The following NATD1 variants were observed in gnomAD, a reference collection of about 807,000 sequenced individuals.
The protein encoded by NATD1 is protein NATD1.
In NATD1, 9 loss-of-function variants were observed where a neutral mutation model predicts 12.0. That is an observed-to-expected ratio of 0.75 (90% CI 0.45 to 1.30). The LOEUF is 1.30. Ranked by LOEUF, NATD1 falls within the 50% of genes most tolerant of loss-of-function variation. The pLI, the probability that NATD1 is intolerant of heterozygous loss-of-function variation, is 0.00. For missense variants in NATD1, 148 were observed against 148.5 expected (o/e 1.00, Z 0.02); for synonymous variants, 71 against 65.9 (o/e 1.08, Z -0.37).
At chr17:21,246,237 G>C (rs1186820729) in intron 1 of NATD1, among the ~76,000 whole-genome samples, 1 of 152,132 alleles carries the variant, frequency 6.6e-6, no homozygotes, top group Non-Finnish European at 1.5e-5. Flanking sequence ...ACAGGGGCCA[G>C]GCACGGTGAC....
rs1975313097 is a variant in NATD1, at chr17:21,244,982, T to C, written c.107-758A>G. On this transcript the variant is annotated intron_variant, in intron 1 of 2. Transcript: ENST00000611551. This position sits in a 1 kb window ranked among gnomAD's most constrained non-coding sequence, Gnocchi z 5.2. Reference sequence around the variant, plus strand: ...CAAATGTTTCCTGAGCCCCAGGTACTGTTTCAGATGCTGGGAGTATAGCAA... The same window carrying C: ...CAAATGTTTCCTGAGCCCCAGGTACCGTTTCAGATGCTGGGAGTATAGCAA... Among the ~76,000 whole-genome samples the C allele has an allele frequency of 6.6e-6, 1 of 152,200 alleles. No individual in the cohort carries two copies. The highest frequency in any genetic ancestry group is 2.1e-4 in the South Asian group (1 of 4,832).
chr17:21,244,644 G>C lies in NATD1; in HGVS notation c.107-420C>G, dbSNP rs1023011107. On this transcript the variant is annotated intron_variant, in intron 1 of 2. Coordinates refer to ENST00000611551, the MANE Select transcript of NATD1 (RefSeq NM_152914.3). This position sits in a 1 kb window ranked among gnomAD's most constrained non-coding sequence, Gnocchi z 5.2. ...TCAGCAAATCTGCAACTAAGGCAGA[G>C]CATGAAGAGATTAGAGAGGCAGCGC... 1.3e-5 allele frequency among the ~76,000 whole-genome samples: 2 copies of C among 152,186 alleles called. No homozygotes were observed. Among genetic ancestry groups the C allele is most frequent in the African/African-American group, 2.4e-5 (1 of 41,436 alleles).
intron 1 of NATD1, among the ~76,000 whole-genome samples, chr17:21,248,574 C>T (rs927636762): frequency 4.6e-5 from 7 of 152,192 alleles, no homozygotes; most frequent in South Asian, 2.1e-4. Flanking sequence ...ACCCGCAGCC[C>T]CCATGATGGG....
At chr17:21,250,357 T>C (rs1421509980) in intron 1 of NATD1, among the ~76,000 whole-genome samples, 6 of 152,168 alleles carry the variant, frequency 3.9e-5, no homozygotes, top group Non-Finnish European at 4.4e-5. Context: ...GGAGGGGCCT[T>C]CCTAGACACA....
chr17:21,250,420 C>G (rs1975364371), intron 1 of NATD1, among the ~76,000 whole-genome samples: 1 of 152,232 alleles, frequency 6.6e-6, no homozygotes, highest in Non-Finnish European at 1.5e-5. Context: ...CCCCCTGCAC[C>G]TCTCATGAAA....
chr17:21,248,849 C>T (rs1975350749), intron 1 of NATD1, among the ~76,000 whole-genome samples: 1 of 152,162 alleles, frequency 6.6e-6, no homozygotes, highest in Non-Finnish European at 1.5e-5. Context: ...TGATCTTATG[C>T]CAGTCCTGAC....
chr17:21,243,180 G>A lies in NATD1; in HGVS notation c.*133C>T. On this transcript the variant is annotated 3_prime_UTR_variant, in exon 3 of 3. Transcript: ENST00000611551. The stretch of plus-strand genomic sequence containing the variant: ...CTGCCTCCAGGGATCTGGACGTGGG[G>A]CACAGATGAGTGTCCTTACAAAAAT... 3.0e-6 allele frequency: 2 copies of A among 671,846 alleles called. No individual in the cohort carries two copies. The highest frequency in any genetic ancestry group is 5.7e-5 in the Admixed American group (2 of 35,296). The allele number at this position is 671,846 out of a possible 1,614,324, so 41.6% of individuals were successfully genotyped here. A position where few individuals can be genotyped will look rare whatever the true frequency, so the allele number is the denominator to read the frequency against.
chr17:21,248,646 G>C (rs768031380), intron 1 of NATD1, among the ~76,000 whole-genome samples: 3 of 152,194 alleles, frequency 2.0e-5, no homozygotes, highest in Non-Finnish European at 4.4e-5. Context: ...TGTGGATCCT[G>C]CTGTCTCGGC....
Position 21,243,247 on chromosome 17 carries a change from A to G in NATD1, c.*66T>C. ...CCAGTGGGACCAGGTTCCTGAGAGC[A>G]CGTGGGGCCAGGCAAAGGCCACGTG... On this transcript the variant is annotated 3_prime_UTR_variant, in exon 3 of 3. Transcript: ENST00000611551. 1 of 1,295,976 alleles carries G rather than the reference A, an allele frequency of 7.7e-7. No homozygotes were observed. Among genetic ancestry groups the G allele is most frequent in the South Asian group, 1.2e-5 (1 of 81,500 alleles). The allele number at this position is 1,295,976 out of a possible 1,614,324, so 80.3% of individuals were successfully genotyped here.
intron 1 of NATD1, among the ~76,000 whole-genome samples, chr17:21,246,345 C>T (rs1975324639): frequency 1.3e-5 from 2 of 152,084 alleles, no homozygotes; most frequent in African/African-American, 4.8e-5. Flanking sequence ...GAAACCCCAT[C>T]TCTACTAAAG....
At chr17:21,246,835 G>GGACA (rs1975329676) in intron 1 of NATD1, among the ~76,000 whole-genome samples, 1 of 152,186 alleles carries the variant, frequency 6.6e-6, no homozygotes, top group Non-Finnish European at 1.5e-5. Context: ...TGGGGTATGA[G>GGACA]CCGCCCACTG....
chr17:21,250,823 G>A (rs768266588), intron 1 of NATD1, among the ~76,000 whole-genome samples: 6 of 152,102 alleles, frequency 3.9e-5, no homozygotes, highest in Non-Finnish European at 5.9e-5. Flanking sequence ...GCTGTGCTAT[G>A]TGGACAGCCT....
At position 21,241,275 on chromosome 17, in the gene NATD1, G is replaced by A. The variant is rs1975269550; in HGVS notation, c.*2038C>T. 1 of 152,292 alleles carries A rather than the reference G, an allele frequency of 6.6e-6. No individual in the cohort carries two copies. The highest frequency in any genetic ancestry group is 2.4e-5 in the African/African-American group (1 of 41,456). The allele number at this position is 152,292 out of a possible 1,614,324, so 9.4% of individuals were successfully genotyped here. A position where few individuals can be genotyped will look rare whatever the true frequency, so the allele number is the denominator to read the frequency against. ...AAGGGACCCTCCTGCGGATGGGCTG[G>A]AGGCCACAGGGACATGGCCCCAGCT... On this transcript the variant is annotated 3_prime_UTR_variant, in exon 3 of 3. Coordinates refer to ENST00000611551, the MANE Select transcript of NATD1 (RefSeq NM_152914.3).
At chr17:21,243,654 A>G (rs1008111731) in intron 2 of NATD1, among the ~76,000 whole-genome samples, 7 of 152,196 alleles carry the variant, frequency 4.6e-5, no homozygotes, top group Admixed American at 4.6e-4. Context: ...TGCCCCAGGC[A>G]GCATGGAGGA....
chr17:21,243,424 G>A lies in NATD1; in HGVS notation c.231C>T (p.Ala77=). The A allele has an allele frequency of 6.2e-7, 1 of 1,612,430 alleles. No homozygotes were observed. The highest frequency in any genetic ancestry group is 8.5e-7 in the Non-Finnish European group (1 of 1,179,862). The change falls in exon 3 of 3, where the codon GCC becomes GCT. Residue 77 remains alanine (A), a synonymous_variant. Coordinates refer to ENST00000611551, the MANE Select transcript of NATD1 (RefSeq NM_152914.3). ...GGTCCTCCTCCACCACGAAGTCCAGGGCGGCCTGGGAGCCGGGCAGAGAGG... is the reference window on the plus strand; with the variant it reads ...GGTCCTCCTCCACCACGAAGTCCAGAGCGGCCTGGGAGCCGGGCAGAGAGG... ...RGIAKHLAKA[A]LDFVVEEDLK...
At chr17:21,248,654 G>A (rs1318399555) in intron 1 of NATD1, among the ~76,000 whole-genome samples, 3 of 152,184 alleles carry the variant, frequency 2.0e-5, no homozygotes, top group Non-Finnish European at 4.4e-5. Flanking sequence ...CTGCTGTCTC[G>A]GCTCACAGTG....
At position 21,253,164 on chromosome 17, in the gene NATD1, A is replaced by G. The variant is rs1310535058; in HGVS notation, c.101T>C (p.Leu34Pro). Residue 34 changes from leucine to proline, a missense_variant, in exon 1 of 3, where the codon CTC becomes CCC. Transcript: ENST00000611551. ...DRRRRQFTVR[L>P]NGCHDRAVLL... is the part of the protein sequence containing the mutation. ...GCGGGCCGGGGCCGCCTTACCGTTG[A>G]GCCGGACAGTGAACTGGCGGCGCCG... is the stretch of plus-strand genomic sequence containing the variant. 3.9e-6 allele frequency: 4 copies of G among 1,018,526 alleles called. No homozygotes were observed. Among genetic ancestry groups the G allele is most frequent in the Non-Finnish European group, 4.7e-6 (4 of 853,124 alleles). The allele number at this position is 1,018,526 out of a possible 1,614,324, so 63.1% of individuals were successfully genotyped here.
At position 21,244,008 on chromosome 17, in the gene NATD1, C is replaced by T; in HGVS notation, c.225+98G>A. On this transcript the variant is annotated intron_variant, in intron 2 of 2. Transcript: ENST00000611551. The surrounding 1 kb of genome is among the most constrained non-coding windows in gnomAD (Gnocchi z 5.2). ...CCAGAGAGGACCCAGGGCCAAGAAG[C>T]AGGCTGAAGTGGCCACCAGGGCCAC... is the stretch of plus-strand genomic sequence containing the variant. The T allele has an allele frequency of 9.2e-7, 1 of 1,085,220 alleles. No homozygotes were observed. Among genetic ancestry groups the T allele is most frequent in the South Asian group, 1.6e-5 (1 of 64,102 alleles). The allele number at this position is 1,085,220 out of a possible 1,614,324, so 67.2% of individuals were successfully genotyped here. A position where few individuals can be genotyped will look rare whatever the true frequency, so the allele number is the denominator to read the frequency against.
intron 1 of NATD1, among the ~76,000 whole-genome samples, chr17:21,245,028 T>C (rs1175206807): frequency 2.0e-5 from 3 of 151,976 alleles, no homozygotes; most frequent in Admixed American, 2.0e-4. Context: ...AGACATGGAG[T>C]CCTACCCCCA....
Sources: gnomAD v4.1 joint callset for allele counts (sites outside exome capture counted in the v4.1 genomes callset) on GRCh38, gnomAD v4.1.1 for gene constraint, Gnocchi (gnomAD v3.1) non-coding constraint, MANE v1.5 for transcripts, NCBI Gene and HGNC (gene_info 2026-07-23, HGNC 2026-07-21) for gene names.